The following KCNJ16 variants were observed in gnomAD, a reference collection of about 807,000 sequenced individuals.
KCNJ16 encodes the protein inward rectifier potassium channel 16.
A neutral mutation model predicts 18.5 loss-of-function variants in KCNJ16; 15 were observed. That is an observed-to-expected ratio of 0.81 (90% CI 0.54 to 1.25). The LOEUF is 1.25. KCNJ16 is among the 50% of genes most tolerant of loss of function. KCNJ16 has a pLI of 0.00. For missense variants in KCNJ16, 523 were observed against 525.7 expected (o/e 0.99, Z 0.05); for synonymous variants, 174 against 186.5 (o/e 0.93, Z 0.55).
chr17:70,131,194 C>CAAAAA (rs36047658), intron 3 of KCNJ16, among the ~76,000 whole-genome samples: 1 of 85,788 alleles, frequency 1.2e-5, no homozygotes, highest in African/African-American at 3.4e-5. Context: ...CTGCCAGTGT[C>CAAAAA]AAAAAAAAAA....
chr17:70,097,234 C>T (rs185540486), intron 1 of KCNJ16, among the ~76,000 whole-genome samples: 5 of 152,204 alleles, frequency 3.3e-5, no homozygotes, highest in East Asian at 3.9e-4. Flanking sequence ...GTCAATGGCA[C>T]AACCCATGCG....
intron 1 of KCNJ16, among the ~76,000 whole-genome samples, chr17:70,089,164 G>A (rs941805563): frequency 3.3e-5 from 5 of 152,016 alleles, no homozygotes; most frequent in African/African-American, 1.2e-4. Context: ...TCCTCTTCCT[G>A]AACCTATAAA....
At chr17:70,088,853 C>T (rs922972679) in intron 1 of KCNJ16, among the ~76,000 whole-genome samples, 1 of 151,800 alleles carries the variant, frequency 6.6e-6, no homozygotes, top group African/African-American at 2.4e-5. Flanking sequence ...CGATTTTAGT[C>T]CTATGGCTTG....
chr17:70,081,203 G>A (rs1351314090), intron 1 of KCNJ16, among the ~76,000 whole-genome samples: 1 of 152,136 alleles, frequency 6.6e-6, no homozygotes, highest in African/African-American at 2.4e-5. Context: ...ATTTGGATCA[G>A]AATTGAGCCA....
intron 2 of KCNJ16, among the ~76,000 whole-genome samples, chr17:70,116,024 CCTT>C (rs1161321055): frequency 6.6e-6 from 1 of 152,036 alleles, no homozygotes; most frequent in Non-Finnish European, 1.5e-5. Flanking sequence ...ACTGAAAACA[CCTT>C]TTTTCTTTCT....
intron 1 of KCNJ16, among the ~76,000 whole-genome samples, chr17:70,084,150 G>A (rs149381548): frequency 3.9e-5 from 6 of 152,304 alleles, no homozygotes; most frequent in Admixed American, 3.9e-4. Flanking sequence ...GTGACTTGTT[G>A]TGGAAAGAAT....
At chr17:70,091,519 A>T (rs1361652535) in intron 1 of KCNJ16, among the ~76,000 whole-genome samples, 1 of 152,168 alleles carries the variant, frequency 6.6e-6, no homozygotes, top group Admixed American at 6.5e-5. Flanking sequence ...TCTCCTTAAT[A>T]GGATTTGCTG....
At chr17:70,116,435 A>G (rs2073408583) in intron 2 of KCNJ16, among the ~76,000 whole-genome samples, 2 of 152,190 alleles carry the variant, frequency 1.3e-5, no homozygotes, top group African/African-American at 4.8e-5. Context: ...TTTAGAAAAA[A>G]ATTGCTGAGA....
chr17:70,105,594 A>G (rs2072887111), intron 2 of KCNJ16, among the ~76,000 whole-genome samples: 1 of 152,222 alleles, frequency 6.6e-6, no homozygotes, highest in Non-Finnish European at 1.5e-5. Flanking sequence ...ATAGACAGAA[A>G]TGCCGTAAAG....
chr17:70,089,705 A>G (rs1251461312), intron 1 of KCNJ16, among the ~76,000 whole-genome samples: 3 of 152,256 alleles, frequency 2.0e-5, no homozygotes. Context: ...TACAACCGCA[A>G]GTGACATTTT....
chr17:70,104,504 T>C (rs2072818942), intron 2 of KCNJ16, among the ~76,000 whole-genome samples: 1 of 152,174 alleles, frequency 6.6e-6, no homozygotes, highest in Admixed American at 6.6e-5. Context: ...TCAGACAAAG[T>C]GTGCATTTGC....
intron 1 of KCNJ16, among the ~76,000 whole-genome samples, chr17:70,099,357 A>T (rs1466125421): frequency 6.6e-6 from 1 of 152,178 alleles, no homozygotes; most frequent in Non-Finnish European, 1.5e-5. Flanking sequence ...AGGCTCCTGG[A>T]AGTAGTACGA....
chr17:70,105,225 C>T (rs2072867688), intron 2 of KCNJ16: 1 of 152,182 alleles, frequency 6.6e-6, no homozygotes, highest in South Asian at 2.1e-4. Context: ...TGGAGGCATG[C>T]TCTATGGCTG....
rs112459736 is a variant in KCNJ16, at chr17:70,105,515, C to T, written c.-191+4749C>T. Among the ~76,000 whole-genome samples the T allele has an allele frequency of 3.7e-3, 566 of 152,228 alleles. 2 individuals are homozygous for T. Among genetic ancestry groups the T allele is most frequent in the African/African-American group, 0.013 (543 of 41,530 alleles). On this transcript the variant is annotated intron_variant, in intron 2 of 3. Transcript: ENST00000392671. ...TTGCAAAGTGACAGCAAAGTAGCAT[C>T]GCAAATTTGAAACTGTGTAATAAAA...
intron 1 of KCNJ16, chr17:70,097,018 T>C (rs2072407997): frequency 2.5e-6 from 1 of 395,104 alleles, no homozygotes; most frequent in East Asian, 3.6e-5. Context: ...CAAAGAAATC[T>C]CCATGGTGAA....
intron 2 of KCNJ16, chr17:70,105,161 C>A (rs1041208181): frequency 2.0e-5 from 3 of 152,150 alleles, no homozygotes. Context: ...TTGCATGTAT[C>A]CCCGCTAATA....
intron 1 of KCNJ16, among the ~76,000 whole-genome samples, chr17:70,075,960 T>G (rs1017442868): frequency 2.0e-5 from 1 of 50,850 alleles, no homozygotes; most frequent in African/African-American, 7.6e-5. Context: ...CCTTAATCCC[T>G]CTAAAGCTTT....
At chr17:70,094,984 C>A (rs762087632) in intron 1 of KCNJ16, among the ~76,000 whole-genome samples, 4 of 152,092 alleles carry the variant, frequency 2.6e-5, no homozygotes, top group Non-Finnish European at 5.9e-5. Context: ...AATCAATCAA[C>A]CTTTCATATA....
At chr17:70,121,435 GTGTT>G (rs1182506023) in intron 2 of KCNJ16, among the ~76,000 whole-genome samples, 1 of 152,116 alleles carries the variant, frequency 6.6e-6, no homozygotes, top group Non-Finnish European at 1.5e-5. Context: ...TCTGACCCCA[GTGTT>G]TGTTAGTGAA....
Sources: gnomAD v4.1 joint callset for allele counts (sites outside exome capture counted in the v4.1 genomes callset) on GRCh38, gnomAD v4.1.1 for gene constraint, MANE v1.5 for transcripts, NCBI Gene and HGNC (gene_info 2026-07-23, HGNC 2026-07-21) for gene names.